Variants in ABR observed in about 807,000 individuals in gnomAD.
The protein encoded by ABR is ABR activator of RhoGEF and GTPase, also known as active breakpoint cluster region-related protein.
Under a neutral mutation model 107.2 loss-of-function variants are expected in ABR, and 35 were observed. The observed-to-expected ratio is 0.33, with a 90% CI of 0.25 to 0.43. The LOEUF (loss-of-function observed/expected upper bound fraction) is 0.43, where lower values mean the gene tolerates loss of function less well. Among genes scored for constraint, ABR ranks in the 20% least tolerant of loss-of-function variants. The probability of loss-of-function intolerance (pLI) is 1.00; values close to 1 mark genes in which losing one functional copy is unlikely to be tolerated. For synonymous variants in ABR, 498 were observed against 462.0 expected (o/e 1.08, Z -1.00); for missense variants, 815 against 1,115.2 (o/e 0.73, Z 3.83).
intron 3 of ABR, among the ~76,000 whole-genome samples, chr17:1,094,759 T>C (rs1340828172): frequency 1.3e-5 from 2 of 152,126 alleles, no homozygotes; most frequent in Non-Finnish European, 2.9e-5. Flanking sequence ...ACCAACCACA[T>C]GGTTCCAAGG....
rs1452332634 is a variant in ABR, at chr17:1,070,254, G to A, written c.895-164C>T. ...TCAAGCACTGCCTTTGGAGTCACAT[G>A]GGCATGGGTTTGAATGCCAACAGGC... On this transcript the variant is annotated intron_variant, in intron 8 of 22. Coordinates refer to ENST00000302538, the MANE Select transcript of ABR (RefSeq NM_021962.5). This position sits in a 1 kb window ranked among gnomAD's most constrained non-coding sequence, Gnocchi z 4.2. Among the ~76,000 whole-genome samples the A allele has an allele frequency of 3.3e-5, 5 of 152,054 alleles. No homozygotes were observed. Among genetic ancestry groups the A allele is most frequent in the Non-Finnish European group, 7.4e-5 (5 of 68,010 alleles).
intron 1 of ABR, chr17:1,177,789 G>C (rs907966072): frequency 2.6e-5 from 4 of 152,234 alleles, no homozygotes; most frequent in Admixed American, 6.5e-5. Context: ...CAAGCACACA[G>C]CTAAGAGAGG....
At chr17:1,068,122 G>A (rs1047340440) in intron 9 of ABR, among the ~76,000 whole-genome samples, 3 of 152,270 alleles carry the variant, frequency 2.0e-5, no homozygotes, top group Non-Finnish European at 4.4e-5. Context: ...CAGTAGAGAC[G>A]GAGTTTTGCC....
chr17:1,183,555 A>G (rs909628104), upstream of ABR, among the ~76,000 whole-genome samples: 4 of 152,110 alleles, frequency 2.6e-5, no homozygotes, highest in African/African-American at 9.7e-5. Context: ...TCTTGCTTCT[A>G]CCAATCAAGG....
intron 3 of ABR, among the ~76,000 whole-genome samples, chr17:1,095,520 A>G (rs2151313887): frequency 6.6e-6 from 1 of 152,208 alleles, no homozygotes; most frequent in African/African-American, 2.4e-5. Context: ...GGTGACCCAC[A>G]CTGAGCTTCG....
At chr17:1,026,955 G>A (rs1360912391) in intron 16 of ABR, among the ~76,000 whole-genome samples, 1 of 147,454 alleles carries the variant, frequency 6.8e-6, no homozygotes, top group East Asian at 2.0e-4. Context: ...AGCTCCCCCA[G>A]ACTCACACCT....
At chr17:1,033,851 C>G (rs957811371) in intron 16 of ABR, among the ~76,000 whole-genome samples, 2 of 152,154 alleles carry the variant, frequency 1.3e-5, no homozygotes, top group Non-Finnish European at 2.9e-5. Flanking sequence ...CCTCCTTCGC[C>G]TGCCCCTTCC....
chr17:1,180,156 AG>A (rs1481553533), upstream of ABR, among the ~76,000 whole-genome samples: 50 of 135,322 alleles, frequency 3.7e-4, no homozygotes, highest in African/African-American at 1.4e-3. Context: ...GCGCTGGGCG[AG>A]GAGGGGCCGC....
At chr17:1,056,593 C>G (rs1056670290) in intron 13 of ABR, among the ~76,000 whole-genome samples, 2 of 152,120 alleles carry the variant, frequency 1.3e-5, no homozygotes, top group African/African-American at 4.8e-5. Context: ...TGCTCAAAAC[C>G]CCCCCAGACT....
intron 1 of ABR, among the ~76,000 whole-genome samples, chr17:1,177,490 C>A (rs1344238856): frequency 6.6e-6 from 1 of 152,234 alleles, no homozygotes; most frequent in African/African-American, 2.4e-5. Flanking sequence ...CCCTAAGAGG[C>A]CTTGGCCTAA....
Position 1,011,225 on chromosome 17 carries a change from C to T in ABR, c.2102-362G>A, listed in dbSNP as rs550452275. 6.9e-4 allele frequency: 179 copies of T among 259,816 alleles called. 2 individuals are homozygous for T. The highest frequency in any genetic ancestry group is 5.8e-3 in the South Asian group (122 of 21,114). The allele number at this position is 259,816 out of a possible 1,614,324, so 16.1% of individuals were successfully genotyped here. On this transcript the variant is annotated intron_variant, in intron 19 of 22. Coordinates refer to ENST00000302538, the MANE Select transcript of ABR (RefSeq NM_021962.5). This position sits in a 1 kb window ranked among gnomAD's most constrained non-coding sequence, Gnocchi z 4.8. ...TGGAAGGCATTGCACACTTTTCACA[C>T]GTAAAAGCATGTTCCGACAAAGCCT...
chr17:1,221,814 C>T (rs1377352393), intron 1 of ABR, among the ~76,000 whole-genome samples: 3 of 152,172 alleles, frequency 2.0e-5, no homozygotes, highest in South Asian at 2.1e-4. Context: ...CAGGGCTTGA[C>T]GGGGAAGCAT....
At chr17:1,181,615 CG>C (rs1190526464), upstream of ABR, among the ~76,000 whole-genome samples, 1 of 152,154 alleles carries the variant, frequency 6.6e-6, no homozygotes, top group African/African-American at 2.4e-5. Context: ...TCCAATGAGA[CG>C]CTCCAGAAAT....
chr17:1,168,292 C>T (rs751268018), intron 1 of ABR, among the ~76,000 whole-genome samples: 1 of 152,090 alleles, frequency 6.6e-6, no homozygotes, highest in Non-Finnish European at 1.5e-5. Flanking sequence ...AAGAGCGAGA[C>T]TCTGTCTCAA....
chr17:1,035,027 C>G, intron 16 of ABR, among the ~76,000 whole-genome samples: 1 of 152,004 alleles, frequency 6.6e-6, no homozygotes, highest in Non-Finnish European at 1.5e-5. Context: ...GATGGGTAGC[C>G]GAGTTGGGAG....
At chr17:1,121,190 A>C (rs7207980) in intron 2 of ABR, among the ~76,000 whole-genome samples, 66,486 of 152,094 alleles carry the variant, frequency 0.44, 14,987 homozygotes, top group East Asian at 0.67. Context: ...GGGACACAAA[A>C]GAAGACAAAG....
At chr17:1,012,153 C>T (rs145088631) in intron 18 of ABR, 168 bp from the exon 19 acceptor site, 1 of 1,113,928 alleles carries the variant, frequency 9.0e-7, no homozygotes, top group African/African-American at 1.5e-5. Context: ...CCCACCCCAG[C>T]CAGCCCACCC....
intron 1 of ABR, among the ~76,000 whole-genome samples, chr17:1,209,232 G>A (rs1179511751): frequency 6.6e-6 from 1 of 152,080 alleles, no homozygotes; most frequent in African/African-American, 2.4e-5. Context: ...CTGCGTTGAA[G>A]TGGGTGGTGT....
At chr17:1,128,113 C>T (rs2258670) in intron 1 of ABR, among the ~76,000 whole-genome samples, 58,745 of 152,048 alleles carry the variant, frequency 0.39, 11,561 homozygotes, top group South Asian at 0.45. Context: ...GGCCCAGGGG[C>T]GGCGAAAGGG....
Sources: allele counts gnomAD v4.1 joint callset (sites outside exome capture counted in the v4.1 genomes callset), GRCh38; gene constraint gnomAD v4.1.1; non-coding constraint Gnocchi (gnomAD v3.1); transcripts MANE v1.5; gene names NCBI Gene and HGNC (gene_info 2026-07-23, HGNC 2026-07-21).